The following SCEL variants were observed in gnomAD, a reference collection of about 807,000 sequenced individuals.
The protein encoded by SCEL is sciellin.
SCEL carries 113 observed loss-of-function variants against 117.6 expected under a neutral mutation model. That is an observed-to-expected ratio of 0.96 (90% CI 0.83 to 1.12). SCEL has a LOEUF of 1.12. Ranked by LOEUF, SCEL falls within the 50% of genes most tolerant of loss-of-function variation. The pLI is 0.00. For synonymous variants in SCEL, 270 were observed against 256.2 expected (o/e 1.05, Z -0.51); for missense variants, 785 against 810.8 (o/e 0.97, Z 0.39).
chr13:77,598,492 C>T (rs762191866), intron 13 of SCEL, among the ~76,000 whole-genome samples: 88 of 152,214 alleles, frequency 5.8e-4, no homozygotes, highest in African/African-American at 1.4e-3. Context: ...CTCCACGGCC[C>T]GCTGAGACCA....
chr13:77,590,465 C>G (rs572383624), intron 10 of SCEL, among the ~76,000 whole-genome samples: 76 of 152,102 alleles, frequency 5.0e-4, no homozygotes, highest in African/African-American at 1.8e-3. Flanking sequence ...TCTAACTCTT[C>G]TAGTATTGAG....
intron 27 of SCEL, among the ~76,000 whole-genome samples, chr13:77,621,903 G>A (rs548443250): frequency 6.6e-5 from 10 of 152,212 alleles, no homozygotes; most frequent in African/African-American, 1.7e-4. Context: ...ATTCTTGGTC[G>A]CATCTTATTT....
chr13:77,599,682 T>G lies in SCEL; in HGVS notation c.858-7T>G. On this transcript the variant is annotated splice_region_variant and splice_polypyrimidine_tract_variant and intron_variant, in intron 14 of 32. Coordinates refer to ENST00000349847, the MANE Select transcript of SCEL (RefSeq NM_144777.3). The stretch of plus-strand genomic sequence containing the variant: ...AGCCTTTTATGTGAATTTCTTTGTG[T>G]TTTCAGAGCCAAAAGCCTTGAAAGT... The G allele has an allele frequency of 6.2e-7, 1 of 1,605,526 alleles. No individual in the cohort carries two copies. Among genetic ancestry groups the G allele is most frequent in the Non-Finnish European group, 8.5e-7 (1 of 1,172,126 alleles).
At chr13:77,602,914 T>C (rs1464581841) in intron 17 of SCEL, 162 bp from the exon 18 acceptor site, 10 of 622,866 alleles carry the variant, frequency 1.6e-5, no homozygotes, top group Non-Finnish European at 2.4e-5. Flanking sequence ...AAGGATTAAT[T>C]AAACTATGTT....
At chr13:77,603,926 C>T (rs2087914810) in intron 18 of SCEL, among the ~76,000 whole-genome samples, 2 of 152,130 alleles carry the variant, frequency 1.3e-5, no homozygotes, top group South Asian at 2.1e-4. Flanking sequence ...TTATGATTCT[C>T]AACATTATTC....
At chr13:77,589,322 T>C (rs1422724369) in intron 10 of SCEL, 98 bp downstream of exon 10, 2 of 799,770 alleles carry the variant, frequency 2.5e-6, no homozygotes, top group South Asian at 1.8e-5. Flanking sequence ...ATGAATGTTT[T>C]GTGTGCACAT....
intron 30 of SCEL, among the ~76,000 whole-genome samples, chr13:77,640,175 C>T (rs2090493247): frequency 6.6e-6 from 1 of 152,096 alleles, no homozygotes; most frequent in Admixed American, 6.6e-5. Context: ...CTGGCCCCTA[C>T]AGTCCCAGGC....
intron 28 of SCEL, among the ~76,000 whole-genome samples, chr13:77,628,818 C>T (rs769208643): frequency 2.6e-5 from 4 of 152,076 alleles, no homozygotes; most frequent in Non-Finnish European, 5.9e-5. Context: ...TTCCTGAATC[C>T]GACAGGTAGA....
chr13:77,607,958 A>T, intron 19 of SCEL, 98 bp from the exon 20 acceptor site: 1 of 912,604 alleles, frequency 1.1e-6, no homozygotes, highest in Non-Finnish European at 1.7e-6. Flanking sequence ...GAGTGTTTAC[A>T]CTGCTTCTGA....
chr13:77,608,060 C>T lies in SCEL; in HGVS notation c.1162C>T (p.Gln388Ter). ...PETNKNITRG[Q>*]SLDNLIKVTP... ...CATTTCTTCAATGTTTTAAAGGGGC[C>T]AGAGCCTTGATAATCTCATCAAAGT... Residue 388 changes from glutamine (Q) to a stop codon, truncating the protein, a stop_gained, in exon 20 of 33, where the codon CAG becomes TAG. Coordinates refer to ENST00000349847, the MANE Select transcript of SCEL (RefSeq NM_144777.3). LOFTEE classifies it high-confidence loss of function. The T allele has an allele frequency of 1.2e-6, 2 of 1,612,682 alleles. No homozygotes were observed. Among genetic ancestry groups the T allele is most frequent in the Non-Finnish European group, 1.7e-6 (2 of 1,179,110 alleles).
chr13:77,554,974 CCCCAATATAT>C (rs1567343169), intron 1 of SCEL, among the ~76,000 whole-genome samples: 1 of 151,986 alleles, frequency 6.6e-6, no homozygotes, highest in South Asian at 2.1e-4. Context: ...ACACAAAGGC[CCCCAATATAT>C]TTATGATCCA....
intron 22 of SCEL, among the ~76,000 whole-genome samples, chr13:77,610,345 G>T (rs1404393806): frequency 6.6e-6 from 1 of 151,638 alleles, no homozygotes; most frequent in African/African-American, 2.4e-5. Flanking sequence ...TCAGCTACTC[G>T]GGAGGCTGAG....
At chr13:77,642,203 A>G (rs1447475832) in intron 31 of SCEL, among the ~76,000 whole-genome samples, 1 of 152,192 alleles carries the variant, frequency 6.6e-6, no homozygotes, top group African/African-American at 2.4e-5. Context: ...ACAGAGCCAC[A>G]TGAACTGGTT....
intron 28 of SCEL, among the ~76,000 whole-genome samples, chr13:77,631,375 C>T (rs2090012974): frequency 6.6e-6 from 1 of 152,064 alleles, no homozygotes; most frequent in Non-Finnish European, 1.5e-5. Context: ...TATCACAGAC[C>T]CTAGGAGACC....
chr13:77,538,745 A>G (rs906210810), intron 1 of SCEL, among the ~76,000 whole-genome samples: 6 of 152,218 alleles, frequency 3.9e-5, no homozygotes, highest in Non-Finnish European at 8.8e-5. Flanking sequence ...TATACTTGAT[A>G]GCTCTAAAAA....
intron 20 of SCEL, among the ~76,000 whole-genome samples, chr13:77,608,583 G>C (rs2088405837): frequency 1.3e-5 from 2 of 152,104 alleles, no homozygotes; most frequent in South Asian, 4.1e-4. Flanking sequence ...CTGGACGACA[G>C]AGCCAAACAC....
chr13:77,550,008 G>GTTT (rs397851742), intron 1 of SCEL, among the ~76,000 whole-genome samples: 5 of 140,288 alleles, frequency 3.6e-5, no homozygotes, highest in Non-Finnish European at 4.7e-5. Context: ...CCTGCTGCCA[G>GTTT]TTTTTTTTTT....
chr13:77,613,008 A>C (rs564962419), intron 23 of SCEL, 67 bp downstream of exon 23: 1 of 902,724 alleles, frequency 1.1e-6, no homozygotes, highest in African/African-American at 1.7e-5. Flanking sequence ...AATAAGATTA[A>C]TTATTTAACT....
chr13:77,570,901 C>T (rs1355860705), intron 8 of SCEL, among the ~76,000 whole-genome samples: 3 of 150,914 alleles, frequency 2.0e-5, no homozygotes, highest in Admixed American at 6.6e-5. Flanking sequence ...GGTGCAATTT[C>T]GGCTCACTGC....
Sources: gnomAD v4.1 joint callset for allele counts (sites outside exome capture counted in the v4.1 genomes callset) on GRCh38, gnomAD v4.1.1 for gene constraint, MANE v1.5 for transcripts, NCBI Gene and HGNC (gene_info 2026-07-23, HGNC 2026-07-21) for gene names.